TIMP3: variants seen among roughly 807,000 people sequenced by gnomAD.
The protein encoded by TIMP3 is metalloproteinase inhibitor 3.
In TIMP3, 11 loss-of-function variants were observed where a neutral mutation model predicts 30.0. That is an observed-to-expected ratio of 0.37 (90% confidence interval 0.23 to 0.61). The LOEUF is 0.61. Among genes scored for constraint, TIMP3 ranks in the 20% least tolerant of loss-of-function variants. TIMP3 has a pLI of 0.70. For synonymous variants in TIMP3, 112 were observed against 111.3 expected (o/e 1.01, Z -0.04); for missense variants, 181 against 276.8 (o/e 0.65, Z 2.45).
intron 1 of TIMP3, among the ~76,000 whole-genome samples, chr22:32,842,182 G>A (rs1010720119): frequency 6.6e-6 from 1 of 152,156 alleles, no homozygotes; most frequent in African/African-American, 2.4e-5. Context: ...CAGACCCCAC[G>A]TGCTCCATGC....
At chr22:32,829,168 C>T (rs1185000679) in intron 1 of TIMP3, among the ~76,000 whole-genome samples, 2 of 152,188 alleles carry the variant, frequency 1.3e-5, no homozygotes, top group South Asian at 2.1e-4. Flanking sequence ...TAGCAGCTCC[C>T]CCATCCCATT....
intron 2 of TIMP3, among the ~76,000 whole-genome samples, chr22:32,856,942 A>G (rs530372111): frequency 1.2e-4 from 18 of 152,340 alleles, no homozygotes; most frequent in Admixed American, 1.1e-3. Flanking sequence ...TATTCCGCTT[A>G]GCAAAACGAC....
At chr22:32,807,186 G>T (rs931146986) in intron 1 of TIMP3, among the ~76,000 whole-genome samples, 1 of 149,314 alleles carries the variant, frequency 6.7e-6, no homozygotes, top group African/African-American at 2.5e-5. Flanking sequence ...ACCTTTAAGG[G>T]AAGAGTCTTG....
At chr22:32,803,926 G>A (rs2046656739) in intron 1 of TIMP3, among the ~76,000 whole-genome samples, 1 of 152,122 alleles carries the variant, frequency 6.6e-6, no homozygotes, top group Admixed American at 6.5e-5. Context: ...AATTGACCAC[G>A]GAAAAGTGAA....
At chr22:32,849,330 T>G (rs2048153927) in intron 1 of TIMP3, 122 bp from the exon 2 acceptor site, 7 of 781,330 alleles carry the variant, frequency 9.0e-6, no homozygotes, top group Middle Eastern at 3.4e-4. Context: ...TCTATTCCAG[T>G]TGGCTCCAAG....
rs574807558 is a variant in TIMP3, at chr22:32,855,990, G to A, written c.205-1259G>A. Among the ~76,000 whole-genome samples, 14 of 152,256 alleles carry A rather than the reference G, an allele frequency of 9.2e-5. No homozygotes were observed. The South Asian group carries it at 1.7e-3, about 18-fold the overall frequency. On this transcript the variant is annotated intron_variant, in intron 2 of 4. Coordinates refer to ENST00000266085, the MANE Select transcript of TIMP3 (RefSeq NM_000362.5). ...AACGAACCCAATGCTTTCACCAGAC[G>A]CTCAGAAGAATAAAAAACATGGAGA...
At chr22:32,803,478 G>A (rs1263278429) in intron 1 of TIMP3, among the ~76,000 whole-genome samples, 1 of 152,128 alleles carries the variant, frequency 6.6e-6, no homozygotes, top group East Asian at 1.9e-4. Flanking sequence ...TGTGTGACCT[G>A]AGGTCACCCT....
At chr22:32,821,352 G>C (rs2047240967) in intron 1 of TIMP3, among the ~76,000 whole-genome samples, 1 of 152,170 alleles carries the variant, frequency 6.6e-6, no homozygotes, top group South Asian at 2.1e-4. Context: ...CATTCTTTAC[G>C]TTCCATTGAA....
Position 32,837,835 on chromosome 22 carries a change from C to T in TIMP3, c.122-11617C>T, listed in dbSNP as rs1341815001. On this transcript the variant is annotated intron_variant, in intron 1 of 4. Coordinates refer to ENST00000266085, the MANE Select transcript of TIMP3 (RefSeq NM_000362.5). The surrounding 1 kb of genome is among the most constrained non-coding windows in gnomAD (Gnocchi z 4.1). ...CCCAACCTACCAAGCTGGGAGTTACCGCCCACTGCAAGGCACCCCTGTACT... is the reference window on the plus strand; with the variant it reads ...CCCAACCTACCAAGCTGGGAGTTACTGCCCACTGCAAGGCACCCCTGTACT... 2.0e-5 allele frequency among the ~76,000 whole-genome samples: 3 copies of T among 152,144 alleles called. No individual in the cohort carries two copies. The highest frequency in any genetic ancestry group is 6.5e-5 in the Admixed American group (1 of 15,274).
At position 32,837,702 on chromosome 22, in the gene TIMP3, A is replaced by C. The variant is rs915511089; in HGVS notation, c.122-11750A>C. Reference sequence around the variant, plus strand: ...ACTGTTTGGACACCCATTTGGATACATGCAATCCTAAAGTCTATGGGCAGT... The same window carrying C: ...ACTGTTTGGACACCCATTTGGATACCTGCAATCCTAAAGTCTATGGGCAGT... On this transcript the variant is annotated intron_variant, in intron 1 of 4. Transcript: ENST00000266085. This position sits in a 1 kb window ranked among gnomAD's most constrained non-coding sequence, Gnocchi z 4.1. Among the ~76,000 whole-genome samples the C allele has an allele frequency of 1.3e-5, 2 of 152,128 alleles. No individual in the cohort carries two copies. Among genetic ancestry groups the C allele is most frequent in the Admixed American group, 6.5e-5 (1 of 15,276 alleles).
intron 1 of TIMP3, among the ~76,000 whole-genome samples, chr22:32,827,864 C>T (rs1312699694): frequency 6.6e-6 from 1 of 152,176 alleles, no homozygotes; most frequent in Admixed American, 6.5e-5. Flanking sequence ...CTTCCAGGAA[C>T]ACCTCATCCC....
chr22:32,841,633 A>G (rs1477477186), intron 1 of TIMP3, among the ~76,000 whole-genome samples: 2 of 151,818 alleles, frequency 1.3e-5, no homozygotes, highest in Non-Finnish European at 2.9e-5. Context: ...TCTGGGATAT[A>G]TAAGTAAAAA....
chr22:32,858,846 A>G (rs2048453106), intron 4 of TIMP3, among the ~76,000 whole-genome samples: 2 of 152,066 alleles, frequency 1.3e-5, no homozygotes, highest in African/African-American at 4.8e-5. Context: ...CGATTCCCTA[A>G]AACAACTGAG....
At chr22:32,832,145 G>T (rs997506453) in intron 1 of TIMP3, among the ~76,000 whole-genome samples, 1 of 152,210 alleles carries the variant, frequency 6.6e-6, no homozygotes, top group African/African-American at 2.4e-5. Context: ...CCCAGGCTGA[G>T]AAAGAGACTG....
intron 1 of TIMP3, among the ~76,000 whole-genome samples, chr22:32,817,862 T>G (rs60464432): frequency 0.018 from 2,777 of 152,278 alleles, 77 homozygotes; most frequent in African/African-American, 0.063. Context: ...GACATACCGG[T>G]GCAACCCCAC....
chr22:32,829,907 A>C (rs1350320121), intron 1 of TIMP3, among the ~76,000 whole-genome samples: 1 of 152,210 alleles, frequency 6.6e-6, no homozygotes, highest in Non-Finnish European at 1.5e-5. Flanking sequence ...TTAAATGAGA[A>C]ATGAGCATTT....
At chr22:32,826,521 G>A (rs1450316322) in intron 1 of TIMP3, among the ~76,000 whole-genome samples, 3 of 152,010 alleles carry the variant, frequency 2.0e-5, no homozygotes, top group South Asian at 4.2e-4. Context: ...AGATAACCTC[G>A]GTCCTATTTT....
intron 1 of TIMP3, among the ~76,000 whole-genome samples, chr22:32,807,361 T>TAAATATATATTATATATAATATATA (rs5845034): frequency 8.1e-5 from 9 of 110,934 alleles, no homozygotes; most frequent in South Asian, 2.4e-4. Context: ...ATATAATATA[T>TAAATATATATTATATATAATATATA]AATATATATT....
At chr22:32,828,190 T>C (rs143180555) in intron 1 of TIMP3, among the ~76,000 whole-genome samples, 7 of 152,340 alleles carry the variant, frequency 4.6e-5, no homozygotes, top group African/African-American at 1.7e-4. Context: ...CTGAGACAAG[T>C]GAAGTGTCTT....
Sources: gnomAD v4.1 joint callset for allele counts (sites outside exome capture counted in the v4.1 genomes callset) on GRCh38, gnomAD v4.1.1 for gene constraint, Gnocchi (gnomAD v3.1) non-coding constraint, MANE v1.5 for transcripts, NCBI Gene and HGNC (gene_info 2026-07-23, HGNC 2026-07-21) for gene names.